Variants in GPALPP1 observed in about 807,000 individuals in gnomAD.
GPALPP1 encodes the protein GPALPP motifs containing 1, also known as GPALPP motifs-containing protein 1.
A neutral mutation model predicts 38.9 loss-of-function variants in GPALPP1; 30 were observed. The observed-to-expected ratio is 0.77, with a 90% CI of 0.58 to 1.05. The LOEUF (loss-of-function observed/expected upper bound fraction) is 1.05, where lower values mean the gene tolerates loss of function less well. GPALPP1 is among the 50% of genes least tolerant of loss of function. GPALPP1 has a pLI of 0.00. For missense variants in GPALPP1, 384 were observed against 408.8 expected, an observed-to-expected ratio of 0.94 and a Z score of 0.52; for synonymous variants, 120 against 139.2, an observed-to-expected ratio of 0.86 and a Z score of 0.97.
At chr13:45,019,092 T>TACAA (rs1566082228) in intron 6 of GPALPP1, among the ~76,000 whole-genome samples, 37 of 133,106 alleles carry the variant, frequency 2.8e-4, no homozygotes, top group Non-Finnish European at 4.7e-4. Context: ...AATATATGTA[T>TACAA]ATATATTTAT....
intron 4 of GPALPP1, 39 bp from the exon 5 acceptor site, chr13:45,014,913 C>T (rs1454359655): frequency 6.8e-7 from 1 of 1,479,394 alleles, no homozygotes; most frequent in Non-Finnish European, 9.1e-7. Context: ...TAACCTGTAG[C>T]TCTGCTCTTG....
At chr13:44,989,852 G>C in intron 1 of GPALPP1, 110 bp downstream of exon 1, 1 of 776,052 alleles carries the variant, frequency 1.3e-6, no homozygotes. Context: ...GTGGGGAGTG[G>C]GCGCGGCCTG....
At chr13:45,014,917 G>A in intron 4 of GPALPP1, 35 bp from the exon 5 acceptor site, 1 of 1,498,936 alleles carries the variant, frequency 6.7e-7, no homozygotes, top group Non-Finnish European at 9.0e-7. Context: ...CTGTAGCTCT[G>A]CTCTTGGTTT....
At chr13:45,001,143 G>A (rs1033634582) in intron 1 of GPALPP1, among the ~76,000 whole-genome samples, 3 of 152,150 alleles carry the variant, frequency 2.0e-5, no homozygotes, top group African/African-American at 7.2e-5. Flanking sequence ...CCCTCATGCT[G>A]TTCTCGTGAT....
At chr13:45,037,537 G>A (rs1876428817) in exon 8 of GPALPP1, 1 of 152,124 alleles carries the variant, frequency 6.6e-6, no homozygotes, top group Non-Finnish European at 1.5e-5. Flanking sequence ...CATTTTAACT[G>A]AATTTAAATT....
intron 1 of GPALPP1, among the ~76,000 whole-genome samples, chr13:45,003,226 AAAT>A (rs1003331098): frequency 3.2e-4 from 49 of 152,350 alleles, no homozygotes; most frequent in African/African-American, 1.2e-3. Context: ...TGTAAAATAG[AAAT>A]AATATCTCCC....
intron 1 of GPALPP1, chr13:44,989,995 A>G: frequency 3.5e-6 from 2 of 567,416 alleles, no homozygotes. Context: ...TATGAGCTGC[A>G]CGCTGCCCTA....
intron 7 of GPALPP1, among the ~76,000 whole-genome samples, chr13:45,025,968 C>T (rs1875804209): frequency 6.6e-6 from 1 of 151,838 alleles, no homozygotes; most frequent in Non-Finnish European, 1.5e-5. Context: ...CGGGGTTTCT[C>T]CATGTTGGTC....
At chr13:44,990,814 C>T (rs1049551569) in intron 1 of GPALPP1, among the ~76,000 whole-genome samples, 1 of 152,126 alleles carries the variant, frequency 6.6e-6, no homozygotes, top group Non-Finnish European at 1.5e-5. Flanking sequence ...TCCAGCTGAG[C>T]GAGGTGGCAC....
chr13:45,006,357 A>T, intron 3 of GPALPP1, 54 bp downstream of exon 3: 1 of 840,722 alleles, frequency 1.2e-6, no homozygotes, highest in African/African-American at 1.7e-5. Context: ...TTAACTAATG[A>T]ATCTTTAATG....
At chr13:44,999,612 A>G (rs7995144) in intron 1 of GPALPP1, among the ~76,000 whole-genome samples, 131,712 of 152,144 alleles carry the variant, frequency 0.87, 57,933 homozygotes, top group East Asian at 0.99. Context: ...ACAGAGTCTC[A>G]CTCTGTCACC....
chr13:44,992,830 A>T (rs191829951), intron 1 of GPALPP1, among the ~76,000 whole-genome samples: 1 of 152,302 alleles, frequency 6.6e-6, no homozygotes, highest in Admixed American at 6.5e-5. Context: ...TTGTAAGCAT[A>T]TAGGTCAGTG....
At chr13:45,019,799 T>G (rs1272267554) in intron 6 of GPALPP1, among the ~76,000 whole-genome samples, 3 of 149,222 alleles carry the variant, frequency 2.0e-5, no homozygotes, top group Non-Finnish European at 4.4e-5. Context: ...TTGAGTGGAG[T>G]GGGTTTTTTT....
intron 4 of GPALPP1, among the ~76,000 whole-genome samples, chr13:45,013,719 G>A (rs1167980570): frequency 6.6e-6 from 1 of 152,160 alleles, no homozygotes; most frequent in African/African-American, 2.4e-5. Flanking sequence ...CCATGCCAAA[G>A]ACAGGAAAAT....
intron 1 of GPALPP1, among the ~76,000 whole-genome samples, chr13:44,991,403 C>G (rs562647248): frequency 1.8e-4 from 27 of 150,812 alleles, no homozygotes; most frequent in Admixed American, 4.0e-4. Flanking sequence ...GCCGAGATCG[C>G]GCCACTGCAC....
intron 7 of GPALPP1, 67 bp downstream of exon 7, chr13:45,020,495 G>A: frequency 1.4e-6 from 1 of 732,362 alleles, no homozygotes; most frequent in Non-Finnish European, 2.5e-6. Flanking sequence ...CAGCTACTTG[G>A]GAGGCTGAGG....
chr13:45,025,649 TGA>T (rs1875778345), intron 7 of GPALPP1, among the ~76,000 whole-genome samples: 1 of 152,142 alleles, frequency 6.6e-6, no homozygotes, highest in Non-Finnish European at 1.5e-5. Context: ...GCTGGGAAAA[TGA>T]GACTTAAATT....
At chr13:45,008,701 G>C (rs940019024) in intron 3 of GPALPP1, 94 bp from the exon 4 acceptor site, 2 of 629,944 alleles carry the variant, frequency 3.2e-6, no homozygotes, top group African/African-American at 1.8e-5. Context: ...TTCAACATTT[G>C]TCACTATTTG....
downstream of GPALPP1, chr13:45,033,564 A>G (rs867567826): frequency 1.8e-4 from 27 of 152,340 alleles, no homozygotes; most frequent in Non-Finnish European, 1.2e-4. Flanking sequence ...CAGAATTCCT[A>G]AAGTGTAATT....
Sources: gnomAD v4.1 joint callset for allele counts (sites outside exome capture counted in the v4.1 genomes callset) on GRCh38, gnomAD v4.1.1 for gene constraint, MANE v1.5 for transcripts, NCBI Gene and HGNC (gene_info 2026-07-23, HGNC 2026-07-21) for gene names.